The following METTL2B variants were observed in gnomAD, a reference collection of about 807,000 sequenced individuals.
METTL2B encodes the protein methyltransferase 2B, tRNA N3-cytidine, also known as tRNA N(3)-cytidine methyltransferase METTL2B.
In METTL2B, 28 loss-of-function variants were observed where a neutral mutation model predicts 51.0. That is an observed-to-expected ratio of 0.55 (90% CI 0.41 to 0.75). The LOEUF is 0.75. Ranked by LOEUF, METTL2B falls within the 30% of genes least tolerant of loss-of-function variation. The pLI is 0.00. For missense variants in METTL2B, 313 were observed against 460.7 expected (o/e 0.68, Z 2.93); for synonymous variants, 128 against 166.3 (o/e 0.77, Z 1.77).
At position 128,505,340 on chromosome 7, in the gene METTL2B, A is replaced by G. The variant is rs890246995; in HGVS notation, c.*3424A>G. On this transcript the variant is annotated 3_prime_UTR_variant, in exon 9 of 9. Transcript: ENST00000262432. ...TATTAGTTGTGTCTCAGTCTCCTTC[A>G]GTCTACAGTTTAGGCTTGCTTTTGC... 3 of 152,224 alleles carry G rather than the reference A, an allele frequency of 2.0e-5. No homozygotes were observed. The highest frequency in any genetic ancestry group is 7.2e-5 in the African/African-American group (3 of 41,466). The allele number at this position is 152,224 out of a possible 1,614,324, so 9.4% of individuals were successfully genotyped here.
At chr7:128,484,218 T>TTTTTTTGTTTTGTTTTG (rs1563027612) in intron 4 of METTL2B, 1 of 42,182 alleles carries the variant, frequency 2.4e-5, no homozygotes, top group African/African-American at 1.1e-4. Flanking sequence ...GCCTAGATCC[T>TTTTTTTGTTTTGTTTTG]TTTTTTTTTT....
Position 128,476,842 on chromosome 7 carries a change from G to A in METTL2B, c.77G>A (p.Ser26Asn), listed in dbSNP as rs1208379883. Reference protein sequence around the residue: ...KRQQFGSRFLSDPARVFHHNA... With the variant: ...KRQQFGSRFLNDPARVFHHNA... ...CAGCAGTTCGGAAGCCGGTTCCTGA[G>A]CGATCCGGCGCGCGTCTTCCACCAC... is the stretch of plus-strand genomic sequence containing the variant. The change falls in exon 1 of 9, where the codon AGC (serine) becomes AAC (asparagine). Residue 26 changes from serine to asparagine, a missense_variant. This residue lies in a region of METTL2B where 66 missense variants were observed against 58.2 expected (regional missense o/e 1.13). Transcript: ENST00000262432. 1.2e-6 allele frequency: 2 copies of A among 1,613,966 alleles called. No individual in the cohort carries two copies. Among genetic ancestry groups the A allele is most frequent in the Non-Finnish European group, 1.7e-6 (2 of 1,180,006 alleles).
intron 6 of METTL2B, among the ~76,000 whole-genome samples, chr7:128,496,075 G>A (rs1342670251): frequency 1.3e-5 from 2 of 152,164 alleles, no homozygotes; most frequent in African/African-American, 2.4e-5. Context: ...ATCTCCCAGA[G>A]TCCAAGGACC....
At chr7:128,499,541 C>A (rs1278146110) in intron 7 of METTL2B, among the ~76,000 whole-genome samples, 3 of 126,768 alleles carry the variant, frequency 2.4e-5, no homozygotes, top group Non-Finnish European at 4.8e-5. Flanking sequence ...TTTTTTGAGA[C>A]GGAGTCTCGC....
intron 7 of METTL2B, among the ~76,000 whole-genome samples, chr7:128,498,783 G>A (rs1310631384): frequency 2.0e-5 from 3 of 152,146 alleles, no homozygotes; most frequent in African/African-American, 7.2e-5. Flanking sequence ...CAGATCACCT[G>A]AGGTCAAGAG....
Position 128,501,606 on chromosome 7 carries a change from CTTG to C in METTL2B, c.983-150_983-148del, listed in dbSNP as rs1254722487. On this transcript the variant is annotated intron_variant, in intron 8 of 8. Coordinates refer to ENST00000262432, the MANE Select transcript of METTL2B (RefSeq NM_018396.3). ...GTGGCTTCCCCTACCTAAACATGAACTTGTTGTTACCAAGCCACCACTGCATTT... is the reference window on the plus strand; with the variant it reads ...GTGGCTTCCCCTACCTAAACATGAACTTGTTACCAAGCCACCACTGCATTT... 1.7e-5 allele frequency: 17 copies of C among 985,236 alleles called. No individual in the cohort carries two copies. The East Asian group carries it at 3.4e-4, about 20-fold the overall frequency. The allele number at this position is 985,236 out of a possible 1,614,324, so 61.0% of individuals were successfully genotyped here.
At chr7:128,497,384 T>G (rs1792942898) in intron 6 of METTL2B, among the ~76,000 whole-genome samples, 2 of 152,224 alleles carry the variant, frequency 1.3e-5, no homozygotes, top group South Asian at 4.1e-4. Flanking sequence ...ACCCACTGGA[T>G]GCTCAGGATT....
At chr7:128,486,031 C>T (rs1792700259) in intron 4 of METTL2B, among the ~76,000 whole-genome samples, 1 of 152,146 alleles carries the variant, frequency 6.6e-6, no homozygotes, top group South Asian at 2.1e-4. Flanking sequence ...TGGTGGCTCA[C>T]TCTTGTAATC....
At chr7:128,497,144 A>G (rs563336522) in intron 6 of METTL2B, among the ~76,000 whole-genome samples, 80 of 152,262 alleles carry the variant, frequency 5.3e-4, no homozygotes, top group African/African-American at 1.9e-3. Context: ...AGACTTCTCA[A>G]GTTATGAAAG....
In METTL2B at chr7:128,486,221, G is replaced by A. The variant is rs542599988; in HGVS notation, c.609-1880G>A. ...AGGCAGGAAAATGGCTTGGACCCAG[G>A]AGTGGAGGTTGCAGTGAGCCAAGAC... is the stretch of plus-strand genomic sequence containing the variant. On this transcript the variant is annotated intron_variant, in intron 4 of 8. Transcript: ENST00000262432. 3.3e-5 allele frequency among the ~76,000 whole-genome samples: 5 copies of A among 152,080 alleles called. No homozygotes were observed. The South Asian group carries it at 1.0e-3, about 32-fold the overall frequency.
rs66738177 is a variant in METTL2B at position 128,504,350 on chromosome 7, C to CTTTTTTTTTT, written c.*2444_*2453dup. 1.8e-5 allele frequency: 2 copies of CTTTTTTTTTT among 108,440 alleles called. No individual in the cohort carries two copies. Among genetic ancestry groups the CTTTTTTTTTT allele is most frequent in the African/African-American group, 3.6e-5 (1 of 27,906 alleles). The allele number at this position is 108,440 out of a possible 1,614,324, so 6.7% of individuals were successfully genotyped here. A position where few individuals can be genotyped will look rare whatever the true frequency, so the allele number is the denominator to read the frequency against. On this transcript the variant is annotated 3_prime_UTR_variant, in exon 9 of 9. Coordinates refer to ENST00000262432, the MANE Select transcript of METTL2B (RefSeq NM_018396.3). Reference sequence around the variant, plus strand: ...GCTGGGTAATGTAGCAAGACCCTGACTTTTTTTTTTTTTTTTTTTGAGATG... The same window carrying CTTTTTTTTTT: ...GCTGGGTAATGTAGCAAGACCCTGACTTTTTTTTTTTTTTTTTTTTTTTTTTTTTGAGATG...
Position 128,477,067 on chromosome 7 carries a change from G to T in METTL2B, c.111-15G>T. 1 of 1,614,154 alleles carries T rather than the reference G, an allele frequency of 6.2e-7. No individual in the cohort carries two copies. The highest frequency in any genetic ancestry group is 8.5e-7 in the Non-Finnish European group (1 of 1,180,026). On this transcript the variant is annotated splice_polypyrimidine_tract_variant and intron_variant, in intron 1 of 8. Transcript: ENST00000262432. ...AGGACGTGAAGCCCCTAAGCTGCCC[G>T]TTTGATTTTCTCAGGGACAATGTGG...
intron 6 of METTL2B, among the ~76,000 whole-genome samples, chr7:128,497,640 G>A (rs569463897): frequency 3.3e-5 from 5 of 152,228 alleles, no homozygotes; most frequent in African/African-American, 1.2e-4. Flanking sequence ...ATGCCACCAC[G>A]CCTGGCTACT....
chr7:128,488,010 C>T (rs1301263101), intron 4 of METTL2B, 91 bp from the exon 5 acceptor site: 8 of 1,223,950 alleles, frequency 6.5e-6, no homozygotes, highest in Non-Finnish European at 9.2e-6. Flanking sequence ...ATAGTTTTTC[C>T]CATTTGATAT....
chr7:128,500,254 C>A (rs1391337950), intron 7 of METTL2B, among the ~76,000 whole-genome samples: 1 of 152,092 alleles, frequency 6.6e-6, no homozygotes, highest in East Asian at 1.9e-4. Flanking sequence ...AAGAGACATG[C>A]AAAGGACAGT....
At chr7:128,501,292 T>C (rs1357684391) in intron 8 of METTL2B, 1 of 985,460 alleles carries the variant, frequency 1.0e-6, no homozygotes. Context: ...GGTTGTGCTT[T>C]GGTGTGCCTG....
intron 6 of METTL2B, among the ~76,000 whole-genome samples, chr7:128,494,459 G>A (rs955853554): frequency 6.6e-6 from 1 of 152,204 alleles, no homozygotes; most frequent in African/African-American, 2.4e-5. Flanking sequence ...TTCTGCAGTA[G>A]TTGGTTCTTC....
intron 4 of METTL2B, among the ~76,000 whole-genome samples, chr7:128,485,225 A>C (rs1354264772): frequency 1.3e-5 from 2 of 152,184 alleles, no homozygotes; most frequent in Non-Finnish European, 2.9e-5. Context: ...GATTCAAGCA[A>C]CCATGGATTG....
At chr7:128,477,841 C>T in intron 2 of METTL2B, 1 of 337,596 alleles carries the variant, frequency 3.0e-6, no homozygotes, top group South Asian at 2.2e-5. Context: ...AAAAAGGTTC[C>T]AGTTACAAAA....
Sources: gnomAD v4.1 joint callset for allele counts (sites outside exome capture counted in the v4.1 genomes callset) on GRCh38, gnomAD v4.1.1 for gene constraint, gnomAD v4.1.1 regional missense constraint, MANE v1.5 for transcripts, NCBI Gene and HGNC (gene_info 2026-07-23, HGNC 2026-07-21) for gene names.